The following BRAF variants were observed in gnomAD, a reference collection of about 807,000 sequenced individuals.
The protein encoded by BRAF is serine/threonine-protein kinase B-raf.
In BRAF, 16 loss-of-function variants were observed where a neutral mutation model predicts 104.6. The observed-to-expected ratio is 0.15, with a 90% CI of 0.10 to 0.23. The LOEUF is 0.23. BRAF is among the 10% of genes least tolerant of loss of function. BRAF has a pLI of 1.00. For missense variants in BRAF, 541 were observed against 937.3 expected, an observed-to-expected ratio of 0.58 and a Z score of 5.52; for synonymous variants, 310 against 341.6, an observed-to-expected ratio of 0.91 and a Z score of 1.02.
intron 3 of BRAF, among the ~76,000 whole-genome samples, chr7:140,811,791 C>T (rs967284886): frequency 3.9e-5 from 6 of 152,084 alleles, no homozygotes; most frequent in African/African-American, 1.2e-4. Context: ...GGTTTTTTGG[C>T]TCATTTAAAT....
intron 2 of BRAF, among the ~76,000 whole-genome samples, chr7:140,837,954 A>G (rs916050063): frequency 1.3e-5 from 2 of 152,130 alleles, no homozygotes; most frequent in Non-Finnish European, 2.9e-5. Flanking sequence ...GCCTTAGTCT[A>G]CCATTCCCTC....
At chr7:140,839,333 G>A (rs1807680994) in intron 2 of BRAF, among the ~76,000 whole-genome samples, 1 of 151,960 alleles carries the variant, frequency 6.6e-6, no homozygotes, top group Non-Finnish European at 1.5e-5. Context: ...AACAAAATGG[G>A]TCACATATCT....
intron 1 of BRAF, among the ~76,000 whole-genome samples, chr7:140,858,360 C>T (rs531725606): frequency 5.3e-5 from 8 of 152,258 alleles, no homozygotes; most frequent in East Asian, 1.9e-4. Flanking sequence ...TAGAGAAATA[C>T]GCTAAGACTG....
At chr7:140,905,343 T>G (rs1466046472) in intron 1 of BRAF, among the ~76,000 whole-genome samples, 4 of 152,256 alleles carry the variant, frequency 2.6e-5, no homozygotes. Context: ...ACTATATTAC[T>G]AAGGCTATTA....
intron 2 of BRAF, among the ~76,000 whole-genome samples, chr7:140,837,818 A>T (rs1807504612): frequency 6.6e-6 from 1 of 152,196 alleles, no homozygotes; most frequent in Non-Finnish European, 1.5e-5. Flanking sequence ...CATTACCTTC[A>T]AATCCACTCT....
At chr7:140,876,910 C>T (rs1812326773) in intron 1 of BRAF, among the ~76,000 whole-genome samples, 1 of 151,840 alleles carries the variant, frequency 6.6e-6, no homozygotes, top group African/African-American at 2.4e-5. Flanking sequence ...CAAACTTTCA[C>T]AAGCTTAAAA....
intron 3 of BRAF, among the ~76,000 whole-genome samples, chr7:140,832,520 A>T (rs1480474519): frequency 6.6e-6 from 1 of 152,094 alleles, no homozygotes; most frequent in African/African-American, 2.4e-5. Flanking sequence ...TAACAGATTC[A>T]GATAAAAGAG....
chr7:140,912,914 T>C (rs1156286181), intron 1 of BRAF, among the ~76,000 whole-genome samples: 1 of 152,220 alleles, frequency 6.6e-6, no homozygotes, highest in Non-Finnish European at 1.5e-5. Context: ...CAATATGGCC[T>C]AGATAACTGA....
rs4330606 is a variant in BRAF, at chr7:140,863,442, G to A, written c.139-13230C>T. Among the ~76,000 whole-genome samples, 931 of 152,324 alleles carry A rather than the reference G, an allele frequency of 6.1e-3. 8 individuals carry two copies. Among genetic ancestry groups the A allele is most frequent in the African/African-American group, 0.02 (845 of 41,566 alleles). ...AGGATCCTGAAAGCCACGGTAAGTA[G>A]AGTTTTAATTTTATTCTAAGAGCAA... is the stretch of plus-strand genomic sequence containing the variant. On this transcript the variant is annotated intron_variant, in intron 1 of 19. Transcript: ENST00000644969.
intron 14 of BRAF, among the ~76,000 whole-genome samples, chr7:140,756,447 A>T (rs988318847): frequency 2.0e-5 from 3 of 152,132 alleles, no homozygotes; most frequent in Non-Finnish European, 4.4e-5. Flanking sequence ...TACATAAGAT[A>T]ATGTTTCACA....
chr7:140,804,274 G>A (rs762752781), intron 5 of BRAF, among the ~76,000 whole-genome samples: 14 of 151,622 alleles, frequency 9.2e-5, no homozygotes, highest in Non-Finnish European at 2.1e-4. Flanking sequence ...GCACGATCTC[G>A]GCTCACTACA....
chr7:140,754,316 A>C lies in BRAF; in HGVS notation c.1815-83T>G, dbSNP rs560713527. 9.9e-6 allele frequency: 12 copies of C among 1,209,096 alleles called. No homozygotes were observed. The South Asian group carries it at 1.5e-4, about 15-fold the overall frequency. 74.9% of individuals were successfully genotyped at this position (1,209,096 alleles called of 1,614,324 possible). On this transcript the variant is annotated intron_variant, in intron 14 of 19. Transcript: ENST00000644969. ...TCTACAGAACATACTTGGGGGTGTA[A>C]AGACTTATTTAGAATCATGATACAA...
chr7:140,786,675 G>A (rs1418875518), intron 9 of BRAF, among the ~76,000 whole-genome samples: 1 of 151,928 alleles, frequency 6.6e-6, no homozygotes, highest in Admixed American at 6.6e-5. Flanking sequence ...TGCCATTATG[G>A]GTCTGTTCTA....
chr7:140,914,754 A>C (rs1315353442), intron 1 of BRAF, among the ~76,000 whole-genome samples: 1 of 151,974 alleles, frequency 6.6e-6, no homozygotes, highest in Non-Finnish European at 1.5e-5. Flanking sequence ...CTATAAAAAT[A>C]ATCAGCCAGG....
intron 17 of BRAF, 21 bp downstream of exon 16, chr7:140,749,266 C>G (rs1368685964): frequency 6.2e-7 from 1 of 1,610,148 alleles, no homozygotes; most frequent in East Asian, 2.2e-5. Flanking sequence ...AAATAAACAC[C>G]AAGACGTGGT....
intron 14 of BRAF, among the ~76,000 whole-genome samples, chr7:140,762,600 G>A (rs1216134795): frequency 8.3e-6 from 1 of 120,036 alleles, no homozygotes; most frequent in Non-Finnish European, 1.7e-5. Flanking sequence ...GAATCCAGGA[G>A]CTGTTTTTTT....
chr7:140,898,439 G>C (rs1320867131), intron 1 of BRAF, among the ~76,000 whole-genome samples: 1 of 152,076 alleles, frequency 6.6e-6, no homozygotes, highest in East Asian at 1.9e-4. Flanking sequence ...AAAACAAATA[G>C]CATAATCTAC....
At chr7:140,781,550 A>G (rs2129023372) in intron 12 of BRAF, 26 bp downstream of exon 11, 1 of 1,582,036 alleles carries the variant, frequency 6.3e-7, no homozygotes, top group Non-Finnish European at 8.7e-7. Flanking sequence ...ATGACTTGTC[A>G]CAATGTCACC....
Position 140,721,727 on chromosome 7 carries a change from T to TACATGGACAA in BRAF, c.*4766_*4767insTTGTCCATGT, listed in dbSNP as rs1482422415. 4.0e-6 allele frequency: 6 copies of TACATGGACAA among 1,516,314 alleles called. No individual in the cohort carries two copies. Among genetic ancestry groups the TACATGGACAA allele is most frequent in the Non-Finnish European group, 5.3e-6 (6 of 1,138,912 alleles). 93.9% of individuals were successfully genotyped at this position (1,516,314 alleles called of 1,614,324 possible). ...GATGTGCTGGAGACAATACATGGACTTTCTCTTTCAATGGTGAGGAATGAA... is the reference window on the plus strand; with the variant it reads ...GATGTGCTGGAGACAATACATGGACTACATGGACAATTCTCTTTCAATGGTGAGGAATGAA... On this transcript the variant is annotated 3_prime_UTR_variant, in exon 20 of 20. Coordinates refer to ENST00000644969, the MANE Select transcript of BRAF (RefSeq NM_001374258.1).
Sources: gnomAD v4.1 joint callset for allele counts (sites outside exome capture counted in the v4.1 genomes callset) on GRCh38, gnomAD v4.1.1 for gene constraint, MANE v1.5 for transcripts, NCBI Gene and HGNC (gene_info 2026-07-23, HGNC 2026-07-21) for gene names.